The following FAT1 variants were observed in gnomAD, a reference collection of about 807,000 sequenced individuals.
The protein encoded by FAT1 is FAT atypical cadherin 1, also known as protocadherin Fat 1.
Under a neutral mutation model 329.8 loss-of-function variants are expected in FAT1, and 171 were observed. That is an observed-to-expected ratio of 0.52 (90% CI 0.46 to 0.59). The LOEUF (loss-of-function observed/expected upper bound fraction) is 0.59. Among genes scored for constraint, FAT1 ranks in the 20% least tolerant of loss-of-function variants. The pLI, the probability that FAT1 is intolerant of heterozygous loss-of-function variation, is 0.00. For missense variants in FAT1, 5,672 were observed against 5,774.4 expected (o/e 0.98, Z 0.57); for synonymous variants, 2,233 against 2,228.6 (o/e 1.00, Z -0.06).
chr4:186,600,609 T>G (rs1020323437), intron 21 of FAT1, among the ~76,000 whole-genome samples: 5 of 152,218 alleles, frequency 3.3e-5, no homozygotes, highest in Non-Finnish European at 5.9e-5. Flanking sequence ...ACTGAACACA[T>G]AAGCATTAGG....
chr4:186,634,509 C>T (rs1055327555), intron 6 of FAT1, among the ~76,000 whole-genome samples: 1 of 151,896 alleles, frequency 6.6e-6, no homozygotes, highest in Non-Finnish European at 1.5e-5. Flanking sequence ...AGAAACAAAA[C>T]AACACACACG....
intron 3 of FAT1, among the ~76,000 whole-genome samples, chr4:186,643,615 TG>T (rs1741202046): frequency 6.6e-6 from 1 of 152,162 alleles, no homozygotes; most frequent in African/African-American, 2.4e-5. Context: ...CTAGGCATTC[TG>T]GGTGTCTTTT....
In FAT1 at chr4:186,588,449, C is replaced by T. The variant is rs149629492; in HGVS notation, c.*143G>A. The T allele has an allele frequency of 2.4e-4, 229 of 951,862 alleles. 1 individual carries two copies. The African/African-American group carries it at 3.2e-3, about 13-fold the overall frequency. The allele number at this position is 951,862 out of a possible 1,614,324, so 59.0% of individuals were successfully genotyped here. The stretch of plus-strand genomic sequence containing the variant: ...GTTGGGACACTGGAAATGGCTAGCA[C>T]GTCCAGAGGCGCAGGATCCAGCGCA... On this transcript the variant is annotated 3_prime_UTR_variant, in exon 27 of 27. Transcript: ENST00000441802.
At chr4:186,659,636 C>A (rs565930818) in intron 3 of FAT1, among the ~76,000 whole-genome samples, 2 of 150,472 alleles carry the variant, frequency 1.3e-5, no homozygotes, top group South Asian at 2.1e-4. Context: ...GTCCCCTGAA[C>A]AACCCTGGGC....
At chr4:186,657,959 C>T (rs1210854175) in intron 3 of FAT1, among the ~76,000 whole-genome samples, 1 of 152,204 alleles carries the variant, frequency 6.6e-6, no homozygotes, top group Non-Finnish European at 1.5e-5. Context: ...TCCCTTTCTT[C>T]TCTGTCCTTG....
At chr4:186,644,734 C>G (rs1485299968) in intron 3 of FAT1, among the ~76,000 whole-genome samples, 1 of 152,184 alleles carries the variant, frequency 6.6e-6, no homozygotes, top group Non-Finnish European at 1.5e-5. Flanking sequence ...AAAACCATCT[C>G]CAAACTTCTC....
At chr4:186,686,526 C>A (rs562801476) in intron 2 of FAT1, among the ~76,000 whole-genome samples, 1 of 152,246 alleles carries the variant, frequency 6.6e-6, no homozygotes, top group East Asian at 1.9e-4. Flanking sequence ...TGCCTCAATA[C>A]AAATCTCATT....
intron 2 of FAT1, among the ~76,000 whole-genome samples, chr4:186,673,049 T>C (rs192424687): frequency 6.6e-6 from 1 of 152,276 alleles, no homozygotes; most frequent in East Asian, 1.9e-4. Flanking sequence ...AGAATGTCAG[T>C]GATACAGAAA....
intron 1 of FAT1, among the ~76,000 whole-genome samples, chr4:186,717,357 G>A (rs1278255571): frequency 6.6e-6 from 1 of 152,134 alleles, no homozygotes; most frequent in Admixed American, 6.6e-5. Flanking sequence ...GCAGCCTTAG[G>A]CTTGGTATAT....
In FAT1 at chr4:186,628,259, C is replaced by T. The variant is rs760747891; in HGVS notation, c.4705G>A (p.Gly1569Arg). 13 of 1,613,836 alleles carry T rather than the reference C, an allele frequency of 8.1e-6. No individual in the cohort carries two copies. The highest frequency in any genetic ancestry group is 1.1e-5 in the Non-Finnish European group (13 of 1,179,886). Residue 1569 changes from glycine (G) to arginine (R), a missense_variant, in exon 9 of 27, where the codon GGG becomes AGG. Transcript: ENST00000441802. Reference protein sequence around the residue: ...APWFTASSYKGRVYESAAVGS... With the variant: ...APWFTASSYKRRVYESAAVGS... ...ACGGCTGCCGATTCATAAACCCGCC[C>T]TTTGTAGGAGGAAGCGGTGAACCAC...
chr4:186,639,907 C>A, intron 3 of FAT1, 124 bp from the exon 4 acceptor site: 2 of 737,690 alleles, frequency 2.7e-6, no homozygotes, highest in South Asian at 3.8e-5. Flanking sequence ...TTTGGGAGGC[C>A]CAGGGGGGTG....
intron 2 of FAT1, among the ~76,000 whole-genome samples, chr4:186,696,322 A>G (rs1744036756): frequency 1.3e-5 from 2 of 152,256 alleles, no homozygotes; most frequent in South Asian, 4.1e-4. Flanking sequence ...GATCCTTAAA[A>G]AATAACTGAT....
chr4:186,633,657 C>T (rs1421303887), intron 7 of FAT1, 27 bp downstream of exon 7: 1 of 1,613,452 alleles, frequency 6.2e-7, no homozygotes, highest in South Asian at 1.1e-5. Context: ...CCTCCTCTGA[C>T]AAGTGTGTCA....
At chr4:186,703,247 G>GGAGCTAAGAACACA (rs1744411212) in intron 2 of FAT1, among the ~76,000 whole-genome samples, 1 of 152,134 alleles carries the variant, frequency 6.6e-6, no homozygotes, top group Admixed American at 6.6e-5. Flanking sequence ...TACAAACCAC[G>GGAGCTAAGAACACA]GAGCTAAGAA....
intron 16 of FAT1, 135 bp from the exon 17 acceptor site, chr4:186,606,348 G>A (rs1175241402): frequency 1.2e-5 from 10 of 841,848 alleles, no homozygotes; most frequent in Admixed American, 8.4e-5. Flanking sequence ...GCCTGTGAGC[G>A]ATGCCCTAAT....
At chr4:186,667,934 C>T (rs1742532609) in intron 2 of FAT1, among the ~76,000 whole-genome samples, 1 of 152,172 alleles carries the variant, frequency 6.6e-6, no homozygotes, top group South Asian at 2.1e-4. Context: ...TATCAATCAA[C>T]AGCAACACTG....
intron 11 of FAT1, among the ~76,000 whole-genome samples, chr4:186,615,371 T>C (rs1180979482): frequency 6.6e-6 from 1 of 152,124 alleles, no homozygotes; most frequent in Non-Finnish European, 1.5e-5. Flanking sequence ...CCCTATCACT[T>C]TCCACAGCCA....
intron 3 of FAT1, among the ~76,000 whole-genome samples, chr4:186,662,903 C>T (rs1742249049): frequency 6.6e-6 from 1 of 151,860 alleles, no homozygotes; most frequent in Admixed American, 6.6e-5. Context: ...GTGGCACCAT[C>T]TCGGCTCACT....
chr4:186,661,187 T>C (rs1742149749), intron 3 of FAT1, among the ~76,000 whole-genome samples: 1 of 152,118 alleles, frequency 6.6e-6, no homozygotes, highest in Non-Finnish European at 1.5e-5. Flanking sequence ...AGAACCCCTG[T>C]TAGTCTTTGG....
Sources: allele counts gnomAD v4.1 joint callset (sites outside exome capture counted in the v4.1 genomes callset), GRCh38; gene constraint gnomAD v4.1.1; transcripts MANE v1.5; gene names NCBI Gene and HGNC (gene_info 2026-07-23, HGNC 2026-07-21).